ROBO2: variants seen among roughly 807,000 people sequenced by gnomAD.
The protein encoded by ROBO2 is roundabout guidance receptor 2.
In ROBO2, 53 loss-of-function variants were observed where a neutral mutation model predicts 160.8. The observed-to-expected ratio is 0.33, with a 90% CI of 0.26 to 0.41. The LOEUF (loss-of-function observed/expected upper bound fraction) is 0.41. ROBO2 is among the 10% of genes least tolerant of loss of function. ROBO2 has a pLI of 1.00. For synonymous variants in ROBO2, 664 were observed against 611.7 expected (o/e 1.09, Z -1.26); for missense variants, 1,577 against 1,722.4 (o/e 0.92, Z 1.49).
At chr3:77,223,345 T>A (rs2086069226) in intron 2 of ROBO2, among the ~76,000 whole-genome samples, 1 of 152,144 alleles carries the variant, frequency 6.6e-6, no homozygotes, top group Admixed American at 6.5e-5. Context: ...TAGTTACATT[T>A]AACGGATATT....
intron 2 of ROBO2, among the ~76,000 whole-genome samples, chr3:76,476,398 G>A (rs1206915204): frequency 1.3e-5 from 2 of 152,034 alleles, no homozygotes; most frequent in Non-Finnish European, 1.5e-5. Flanking sequence ...CAGCTGAGGG[G>A]TAGAATGCTT....
chr3:77,109,506 G>C (rs904660156), intron 2 of ROBO2, among the ~76,000 whole-genome samples: 14 of 152,196 alleles, frequency 9.2e-5, no homozygotes, highest in Non-Finnish European at 1.8e-4. Context: ...ATATGTGAGA[G>C]TGAGGGAGGA....
intron 2 of ROBO2, among the ~76,000 whole-genome samples, chr3:77,238,316 T>C (rs191892032): frequency 2.0e-3 from 301 of 152,302 alleles, no homozygotes; most frequent in Non-Finnish European, 3.8e-3. Context: ...TCCAAATTCA[T>C]CTAGATTTTC....
At chr3:77,121,323 A>G (rs144955652) in intron 2 of ROBO2, among the ~76,000 whole-genome samples, 1 of 152,248 alleles carries the variant, frequency 6.6e-6, no homozygotes, top group African/African-American at 2.4e-5. Flanking sequence ...TGTCAGCATA[A>G]TCATTTTAAC....
chr3:76,345,189 G>A (rs2074451634), intron 2 of ROBO2, among the ~76,000 whole-genome samples: 2 of 152,076 alleles, frequency 1.3e-5, no homozygotes, highest in South Asian at 4.1e-4. Context: ...GTGTCCATAT[G>A]AATATAAGGC....
intron 2 of ROBO2, among the ~76,000 whole-genome samples, chr3:76,948,906 ATATTTTT>A (rs1456295916): frequency 7.4e-3 from 155 of 20,806 alleles, no homozygotes; most frequent in Non-Finnish European, 0.011. Flanking sequence ...ATATATATAT[ATATTTTT>A]TTTTTTTTTT....
intron 2 of ROBO2, among the ~76,000 whole-genome samples, chr3:76,218,770 A>T (rs62267433): frequency 6.6e-6 from 1 of 151,278 alleles, no homozygotes; most frequent in East Asian, 2.0e-4. Flanking sequence ...TGCCATCCCC[A>T]TCAAGCTACC....
intron 5 of ROBO2, among the ~76,000 whole-genome samples, chr3:77,516,668 A>G (rs1034967354): frequency 6.6e-6 from 1 of 151,032 alleles, no homozygotes; most frequent in Non-Finnish European, 1.5e-5. Flanking sequence ...TTGCCAAGTT[A>G]TCTCCATATA....
intron 2 of ROBO2, among the ~76,000 whole-genome samples, chr3:77,473,553 C>A (rs1420769223): frequency 1.4e-5 from 2 of 147,988 alleles, no homozygotes; most frequent in African/African-American, 5.0e-5. Context: ...TCCCGGGTTC[C>A]TGCCATTCTC....
At chr3:76,204,933 A>T (rs1451803478) in intron 2 of ROBO2, among the ~76,000 whole-genome samples, 1 of 152,190 alleles carries the variant, frequency 6.6e-6, no homozygotes. Flanking sequence ...CTATAGATAA[A>T]TTTCATTGGA....
chr3:76,895,088 C>G, intron 2 of ROBO2, among the ~76,000 whole-genome samples: 1 of 152,078 alleles, frequency 6.6e-6, no homozygotes, highest in Non-Finnish European at 1.5e-5. Flanking sequence ...GGATTTGTTT[C>G]TCCTCTTTTT....
At chr3:77,645,215 C>T (rs1269954508) in intron 25 of ROBO2, among the ~76,000 whole-genome samples, 1 of 152,074 alleles carries the variant, frequency 6.6e-6, no homozygotes, top group African/African-American at 2.4e-5. Flanking sequence ...GCCTTTTTAA[C>T]TGAACACAAT....
intron 2 of ROBO2, among the ~76,000 whole-genome samples, chr3:76,499,220 GCAACA>G (rs1347142130): frequency 6.6e-6 from 1 of 151,986 alleles, no homozygotes; most frequent in Non-Finnish European, 1.5e-5. Context: ...CAATTTCTCC[GCAACA>G]TAAGGCTTTG....
chr3:76,815,815 T>A (rs576624174), intron 2 of ROBO2, among the ~76,000 whole-genome samples: 253 of 152,176 alleles, frequency 1.7e-3, no homozygotes, highest in Non-Finnish European at 2.3e-3. Context: ...CATTGTTCCC[T>A]TTCCTCACTC....
intron 2 of ROBO2, among the ~76,000 whole-genome samples, chr3:77,369,694 T>C (rs188689702): frequency 6.6e-6 from 1 of 152,298 alleles, no homozygotes; most frequent in East Asian, 1.9e-4. Context: ...TGCAAGAGGA[T>C]ACTGGAACTT....
chr3:76,067,209 A>G (rs770001010), intron 2 of ROBO2, among the ~76,000 whole-genome samples: 1 of 152,180 alleles, frequency 6.6e-6, no homozygotes, highest in Non-Finnish European at 1.5e-5. Flanking sequence ...TCTAAGCCCC[A>G]GTTCCCTTCT....
At chr3:76,073,045 C>G (rs1476575862) in intron 2 of ROBO2, among the ~76,000 whole-genome samples, 2 of 151,890 alleles carry the variant, frequency 1.3e-5, no homozygotes, top group East Asian at 3.9e-4. Flanking sequence ...TTATTTTGTC[C>G]CTATTCTTTC....
intron 2 of ROBO2, among the ~76,000 whole-genome samples, chr3:76,925,231 A>AAAAAAAAC (rs2076921007): frequency 6.7e-6 from 1 of 150,208 alleles, no homozygotes; most frequent in Non-Finnish European, 1.5e-5. Flanking sequence ...AAAAAAAAAA[A>AAAAAAAAC]TCTGGTTTGC....
At chr3:76,411,744 C>G (rs570414042) in intron 2 of ROBO2, among the ~76,000 whole-genome samples, 2 of 152,204 alleles carry the variant, frequency 1.3e-5, no homozygotes, top group African/African-American at 4.8e-5. Context: ...GTGAAAGTAG[C>G]ATAAGCCTAA....
Sources: allele counts gnomAD v4.1 joint callset (sites outside exome capture counted in the v4.1 genomes callset), GRCh38; gene constraint gnomAD v4.1.1; transcripts MANE v1.5; gene names NCBI Gene and HGNC (gene_info 2026-07-23, HGNC 2026-07-21).